The following DPEP1 variants were observed in gnomAD, a reference collection of about 807,000 sequenced individuals.
The protein encoded by DPEP1 is beta-lactamase.
In DPEP1, 50 loss-of-function variants were observed where a neutral mutation model predicts 42.3. That is an observed-to-expected ratio of 1.18 (90% confidence interval 0.94 to 1.50). The LOEUF (loss-of-function observed/expected upper bound fraction) is 1.50. Ranked by LOEUF, DPEP1 falls within the 40% of genes most tolerant of loss-of-function variation. The pLI, the probability that DPEP1 is intolerant of heterozygous loss-of-function variation, is 0.00. For missense variants in DPEP1, 663 were observed against 553.0 expected (o/e 1.20, Z -1.99); for synonymous variants, 297 against 234.0 (o/e 1.27, Z -2.46).
rs78306418 is a variant in DPEP1, at chr16:89,635,563, A to G, written c.105-345A>G. ...CAGGCCCTTGCCCCTCACGTCTCCA[A>G]TCCTGTCCACTGAGGTCATTTGGCT... is the stretch of plus-strand genomic sequence containing the variant. On this transcript the variant is annotated intron_variant, in intron 2 of 10. Coordinates refer to ENST00000690203, the MANE Select transcript of DPEP1 (RefSeq NM_001389466.1). Among the ~76,000 whole-genome samples the G allele has an allele frequency of 0.023, 3,552 of 152,198 alleles. 657 individuals carry two copies. The East Asian group carries it at 0.5, about 21-fold the overall frequency.
At chr16:89,628,231 A>C (rs1179345599) in intron 1 of DPEP1, among the ~76,000 whole-genome samples, 3 of 122,356 alleles carry the variant, frequency 2.5e-5, no homozygotes, top group Admixed American at 1.7e-4. Context: ...CACAAAAGGT[A>C]TTTCTTTCTT....
intron 1 of DPEP1, among the ~76,000 whole-genome samples, chr16:89,628,399 A>G (rs929442420): frequency 6.7e-6 from 1 of 150,300 alleles, no homozygotes; most frequent in African/African-American, 2.5e-5. Flanking sequence ...CTGGGATTAC[A>G]GGCATGCACC....
Position 89,637,293 on chromosome 16 carries a change from C to T in DPEP1, c.681C>T (p.Ser227=), listed in dbSNP as rs772814396. The part of the protein sequence containing the change: ...VATMKATLQL[S]RAPVIFSHSS... Reference sequence around the variant, plus strand: ...CCATGAAGGCCACCCTGCAGCTGTCCAGAGCCCCGGTCATCTTCAGCCACT... The same window carrying T: ...CCATGAAGGCCACCCTGCAGCTGTCTAGAGCCCCGGTCATCTTCAGCCACT... Residue 227 remains serine (S), a synonymous_variant, in exon 7 of 11, where the codon TCC becomes TCT. Transcript: ENST00000690203. 6.2e-7 allele frequency: 1 copy of T among 1,612,590 alleles called. No homozygotes were observed.
intron 6 of DPEP1, 47 bp downstream of exon 6, chr16:89,636,982 G>T: frequency 6.2e-7 from 1 of 1,604,068 alleles, no homozygotes. Flanking sequence ...GAAGGCAGAG[G>T]CCCTGGAGGG....
At chr16:89,617,476 C>T (rs1040002147) in intron 1 of DPEP1, among the ~76,000 whole-genome samples, 2 of 152,230 alleles carry the variant, frequency 1.3e-5, no homozygotes, top group African/African-American at 4.8e-5. Flanking sequence ...GCCAGGAGGT[C>T]TCCAGGCCAT....
At chr16:89,632,511 C>T (rs993865876) in intron 2 of DPEP1, among the ~76,000 whole-genome samples, 23 of 152,254 alleles carry the variant, frequency 1.5e-4, no homozygotes, top group Admixed American at 5.2e-4. Flanking sequence ...GAATGGATCC[C>T]GGGGGCAGCC....
chr16:89,616,892 G>C (rs2059383920), intron 1 of DPEP1: 1 of 237,564 alleles, frequency 4.2e-6, no homozygotes. Flanking sequence ...CCGGGAAGCA[G>C]GCAGAGAGCG....
intron 1 of DPEP1, among the ~76,000 whole-genome samples, chr16:89,622,685 G>A (rs1382814851): frequency 6.6e-6 from 1 of 151,862 alleles, no homozygotes; most frequent in East Asian, 1.9e-4. Context: ...TTGGGAGGCT[G>A]AGGCAGGAGA....
downstream of DPEP1, among the ~76,000 whole-genome samples, chr16:89,640,865 G>A (rs1297459316): frequency 1.3e-5 from 2 of 152,158 alleles, no homozygotes; most frequent in African/African-American, 2.4e-5. Context: ...CCACCTGGAC[G>A]CGGAGACCGG....
Position 89,636,341 on chromosome 16 carries a change from C to T in DPEP1, c.315C>T (p.Val105=), listed in dbSNP as rs1233182243. Residue 105 remains valine (V), a synonymous_variant, in exon 4 of 11, where the codon GTC becomes GTT. Transcript: ENST00000690203. ...VRRTLEQMDV[V]HRMCRMYPET... is the part of the protein sequence containing the mutation. ...GGACGCTGGAGCAGATGGACGTGGT[C>T]CACCGCATGTGCCGGATGTACCCGG... The T allele has an allele frequency of 3.1e-6, 5 of 1,612,486 alleles. No homozygotes were observed. Among genetic ancestry groups the T allele is most frequent in the Non-Finnish European group, 4.2e-6 (5 of 1,179,908 alleles).
chr16:89,638,176 T>C lies in DPEP1; in HGVS notation c.1190T>C (p.Leu397Pro), dbSNP rs1288025496. 1 of 1,602,802 alleles carries C rather than the reference T, an allele frequency of 6.2e-7. No homozygotes were observed. The highest frequency in any genetic ancestry group is 8.5e-7 in the Non-Finnish European group (1 of 1,173,228). ...ASSLHRHWGL[L>P]LASLAPLVLC... ...AGCCTCCATCGCCACTGGGGGCTCCTGCTGGCCTCCCTCGCTCCCCTGGTC... is the reference window on the plus strand; with the variant it reads ...AGCCTCCATCGCCACTGGGGGCTCCCGCTGGCCTCCCTCGCTCCCCTGGTC... Residue 397 changes from leucine to proline, a missense_variant, in exon 11 of 11, where the codon CTG (leucine) becomes CCG (proline). Transcript: ENST00000690203.
chr16:89,638,033 C>G lies in DPEP1; in HGVS notation c.1066-19C>G, dbSNP rs201812079. ...CCACCAGCAGGCAGGCTGCCCCACC[C>G]GTGTCTGTCTGTCCCCAGGCCAGCA... On this transcript the variant is annotated intron_variant, in intron 10 of 10. Coordinates refer to ENST00000690203, the MANE Select transcript of DPEP1 (RefSeq NM_001389466.1). The G allele has an allele frequency of 9.3e-6, 15 of 1,611,180 alleles. No homozygotes were observed. In the East Asian group the frequency reaches 3.3e-4, roughly 36 times the overall value.
At position 89,613,711 on chromosome 16, in the gene DPEP1, G is replaced by C. The variant is rs1423213246; in HGVS notation, c.-115G>C. 6.5e-6 allele frequency: 1 copy of C among 152,960 alleles called. No individual in the cohort carries two copies. The highest frequency in any genetic ancestry group is 1.5e-5 in the Non-Finnish European group (1 of 68,502). 9.5% of individuals were successfully genotyped at this position (152,960 alleles called of 1,614,324 possible). ...TGCCAGGGAGCAAGTCTGCATCGCA[G>C]AGGCCAGGGTGAGTGGGCTGGGGAG... On this transcript the variant is annotated 5_prime_UTR_variant, in exon 1 of 11. Transcript: ENST00000690203.
At chr16:89,615,124 G>A (rs1289190435) in intron 1 of DPEP1, among the ~76,000 whole-genome samples, 1 of 152,176 alleles carries the variant, frequency 6.6e-6, no homozygotes, top group Non-Finnish European at 1.5e-5. Context: ...CCTCCCGCTG[G>A]GCCTCAGTCT....
chr16:89,620,916 A>C (rs2059440031), intron 1 of DPEP1: 1 of 152,284 alleles, frequency 6.6e-6, no homozygotes, highest in South Asian at 2.1e-4. Flanking sequence ...TCAGCGAGGG[A>C]GAACCTCAGA....
intron 1 of DPEP1, among the ~76,000 whole-genome samples, chr16:89,618,820 C>T (rs1448210858): frequency 2.6e-5 from 4 of 152,120 alleles, no homozygotes; most frequent in African/African-American, 9.6e-5. Context: ...TTCACCAGAA[C>T]GGTAGGAACC....
chr16:89,631,337 C>T (rs575960691), intron 2 of DPEP1, among the ~76,000 whole-genome samples: 1 of 152,308 alleles, frequency 6.6e-6, no homozygotes, highest in East Asian at 1.9e-4. Context: ...CTCTTCCCCG[C>T]CCCTTCCTGG....
chr16:89,639,757 C>A (rs535459835), downstream of DPEP1, among the ~76,000 whole-genome samples: 3 of 152,170 alleles, frequency 2.0e-5, no homozygotes, highest in African/African-American at 7.2e-5. Flanking sequence ...ATGATTTCAG[C>A]TCACTGCAAC....
chr16:89,623,769 G>A (rs2059473664), intron 1 of DPEP1, among the ~76,000 whole-genome samples: 1 of 152,146 alleles, frequency 6.6e-6, no homozygotes, highest in Non-Finnish European at 1.5e-5. Context: ...CTCAGACAGT[G>A]CAACCCCTGC....
Sources: allele counts gnomAD v4.1 joint callset (sites outside exome capture counted in the v4.1 genomes callset), GRCh38; gene constraint gnomAD v4.1.1; transcripts MANE v1.5; gene names NCBI Gene and HGNC (gene_info 2026-07-23, HGNC 2026-07-21).